RBPMS: variants seen among roughly 807,000 people sequenced by gnomAD.
RBPMS encodes the protein RNA-binding protein with multiple splicing.
Under a neutral mutation model 26.8 loss-of-function variants are expected in RBPMS, and 7 were observed. The observed-to-expected ratio is 0.26, with a 90% CI of 0.15 to 0.49. RBPMS has a LOEUF of 0.49. RBPMS is among the 20% of genes least tolerant of loss of function. The pLI is 0.98. For missense variants in RBPMS, 186 were observed against 250.0 expected, an observed-to-expected ratio of 0.74 and a Z score of 1.73; for synonymous variants, 96 against 93.3, an observed-to-expected ratio of 1.03 and a Z score of -0.17.
At chr8:30,391,780 T>C (rs1374969474) in intron 1 of RBPMS, among the ~76,000 whole-genome samples, 1 of 152,124 alleles carries the variant, frequency 6.6e-6, no homozygotes, top group African/African-American at 2.4e-5. Flanking sequence ...GTAAAGGGGA[T>C]ATGTCTGTGG....
At chr8:30,426,415 C>T (rs903136335) in intron 1 of RBPMS, among the ~76,000 whole-genome samples, 22 of 152,172 alleles carry the variant, frequency 1.4e-4, no homozygotes, top group African/African-American at 5.1e-4. Context: ...ACTGTTTTCA[C>T]TGTTTAGACG....
At chr8:30,523,484 G>A (rs1054513032) in intron 5 of RBPMS, among the ~76,000 whole-genome samples, 2 of 151,338 alleles carry the variant, frequency 1.3e-5, no homozygotes, top group African/African-American at 4.9e-5. Flanking sequence ...AATGTGTTGA[G>A]TACTACATAA....
chr8:30,429,020 G>GA (rs1811661024), intron 1 of RBPMS, among the ~76,000 whole-genome samples: 1 of 152,104 alleles, frequency 6.6e-6, no homozygotes, highest in South Asian at 2.1e-4. Context: ...AAGGTGGTGA[G>GA]AAAAAAGATG....
intron 1 of RBPMS, among the ~76,000 whole-genome samples, chr8:30,449,570 C>T (rs969311421): frequency 1.3e-5 from 2 of 152,164 alleles, no homozygotes; most frequent in African/African-American, 4.8e-5. Flanking sequence ...AGGCTTTCGC[C>T]ATGTTGGCCA....
At chr8:30,440,141 T>C (rs1351348726) in intron 1 of RBPMS, among the ~76,000 whole-genome samples, 2 of 152,178 alleles carry the variant, frequency 1.3e-5, no homozygotes, top group South Asian at 2.1e-4. Flanking sequence ...TCTCATTCTA[T>C]TACTAAGGCG....
At chr8:30,510,428 C>T (rs1294965479) in intron 5 of RBPMS, among the ~76,000 whole-genome samples, 3 of 151,888 alleles carry the variant, frequency 2.0e-5, no homozygotes, top group African/African-American at 7.3e-5. Flanking sequence ...GTAGCTTTCC[C>T]AAAGTCACAT....
At chr8:30,517,955 A>G (rs560619294) in intron 5 of RBPMS, among the ~76,000 whole-genome samples, 110 of 152,318 alleles carry the variant, frequency 7.2e-4, no homozygotes, top group African/African-American at 2.5e-3. Context: ...CTCATGATCC[A>G]GTGCAGCTGA....
chr8:30,410,622 C>G (rs1809254570), intron 1 of RBPMS, among the ~76,000 whole-genome samples: 1 of 151,514 alleles, frequency 6.6e-6, no homozygotes, highest in African/African-American at 2.4e-5. Context: ...TTAACTGCTA[C>G]TCTTTTATAT....
intron 7 of RBPMS, among the ~76,000 whole-genome samples, chr8:30,561,747 T>C (rs1356058717): frequency 2.6e-5 from 4 of 152,098 alleles, no homozygotes; most frequent in Non-Finnish European, 5.9e-5. Context: ...ACCTTCAACT[T>C]GGCAATTTCA....
intron 1 of RBPMS, among the ~76,000 whole-genome samples, chr8:30,416,570 T>C (rs561353290): frequency 1.3e-5 from 2 of 152,076 alleles, no homozygotes; most frequent in South Asian, 4.2e-4. Context: ...GCAAGCTCCG[T>C]CTCCTGGGTT....
chr8:30,570,997 G>T lies in RBPMS; in HGVS notation c.*472G>T, dbSNP rs1325997401. On this transcript the variant is annotated 3_prime_UTR_variant, in exon 9 of 9. Coordinates refer to ENST00000397323, the MANE Select transcript of RBPMS (RefSeq NM_001008710.3). ...AAAATATCTATTTTTTTCCTCTGAA[G>T]TAAGTTGCATGTTTGAGGCATGTTT... 2 of 152,052 alleles carry T rather than the reference G, an allele frequency of 1.3e-5. No homozygotes were observed. Among genetic ancestry groups the T allele is most frequent in the South Asian group, 2.1e-4 (1 of 4,824 alleles). The allele number at this position is 152,052 out of a possible 1,614,324, so 9.4% of individuals were successfully genotyped here.
chr8:30,439,109 C>A (rs1371041473), intron 1 of RBPMS, among the ~76,000 whole-genome samples: 1 of 152,134 alleles, frequency 6.6e-6, no homozygotes, highest in African/African-American at 2.4e-5. Context: ...TCTGAGTTTA[C>A]CTTTAAGCGT....
chr8:30,445,523 T>C (rs1013855915), intron 1 of RBPMS, among the ~76,000 whole-genome samples: 1 of 151,790 alleles, frequency 6.6e-6, no homozygotes, highest in Non-Finnish European at 1.5e-5. Context: ...TTAGTTTCTT[T>C]TAAAAATTCT....
chr8:30,439,015 G>A (rs902825032), intron 1 of RBPMS, among the ~76,000 whole-genome samples: 2 of 152,140 alleles, frequency 1.3e-5, no homozygotes, highest in Admixed American at 6.5e-5. Context: ...GACCTCATGT[G>A]ATCCACCTGC....
intron 1 of RBPMS, among the ~76,000 whole-genome samples, chr8:30,412,778 TAGAG>T (rs1486472736): frequency 6.6e-6 from 1 of 152,190 alleles, no homozygotes; most frequent in East Asian, 1.9e-4. Context: ...ACATATTCAA[TAGAG>T]AGGTCTATAA....
At chr8:30,472,746 C>T (rs1161715876) in intron 1 of RBPMS, among the ~76,000 whole-genome samples, 1 of 152,176 alleles carries the variant, frequency 6.6e-6, no homozygotes, top group African/African-American at 2.4e-5. Context: ...TGGTGATTCG[C>T]ACTTCTGTGT....
intron 1 of RBPMS, among the ~76,000 whole-genome samples, chr8:30,411,681 A>AGAAAG (rs1554507357): frequency 8.6e-5 from 11 of 127,958 alleles, no homozygotes; most frequent in African/African-American, 3.4e-4. Context: ...AAAAAAAAAA[A>AGAAAG]AAAGAAAAAG....
At chr8:30,410,393 A>G (rs1412987596) in intron 1 of RBPMS, among the ~76,000 whole-genome samples, 1 of 151,926 alleles carries the variant, frequency 6.6e-6, no homozygotes, top group Non-Finnish European at 1.5e-5. Flanking sequence ...TATTTTTAGT[A>G]GAGATGGGGT....
intron 4 of RBPMS, among the ~76,000 whole-genome samples, chr8:30,502,694 T>A (rs2150928140): frequency 6.6e-6 from 1 of 152,302 alleles, no homozygotes. Flanking sequence ...AGGTCCATTC[T>A]TGGAAATATT....
Sources: gnomAD v4.1 joint callset for allele counts (sites outside exome capture counted in the v4.1 genomes callset) on GRCh38, gnomAD v4.1.1 for gene constraint, MANE v1.5 for transcripts, NCBI Gene and HGNC (gene_info 2026-07-23, HGNC 2026-07-21) for gene names.